The following NF1 variants were observed in gnomAD, a reference collection of about 807,000 sequenced individuals.
The protein encoded by NF1 is neurofibromin 1.
NF1 carries 122 observed loss-of-function variants against 325.7 expected under a neutral mutation model. The observed-to-expected ratio is 0.37, with a 90% CI of 0.32 to 0.44. The LOEUF (loss-of-function observed/expected upper bound fraction) is 0.44, where lower values mean the gene tolerates loss of function less well. Ranked by LOEUF, NF1 falls within the 20% of genes least tolerant of loss-of-function variation. The pLI, the probability that NF1 is intolerant of heterozygous loss-of-function variation, is 1.00. For missense variants in NF1, 2,140 were observed against 3,415.4 expected (o/e 0.63, Z 9.31); for synonymous variants, 1,091 against 1,186.0 (o/e 0.92, Z 1.65).
At chr17:31,318,733 AG>A in intron 36 of NF1, 1 of 1,614,076 alleles carries the variant, frequency 6.2e-7, no homozygotes, top group East Asian at 2.2e-5. Context: ...AGGTATATAA[AG>A]CTCCTGTTCA....
chr17:31,325,573 A>T (rs1460435334), intron 36 of NF1, among the ~76,000 whole-genome samples: 1 of 151,918 alleles, frequency 6.6e-6, no homozygotes, highest in Non-Finnish European at 1.5e-5. Flanking sequence ...TCCTTTCTTG[A>T]CTCATGGGCA....
chr17:31,352,025 T>A (rs1283824764), intron 50 of NF1, among the ~76,000 whole-genome samples: 5 of 152,212 alleles, frequency 3.3e-5, no homozygotes, highest in Admixed American at 6.5e-5. Context: ...GCAGTACAGA[T>A]CTTTTTGTTC....
At chr17:31,248,881 G>A (rs905742372) in intron 29 of NF1, 103 bp from the exon 30 acceptor site, 11 of 1,053,384 alleles carry the variant, frequency 1.0e-5, no homozygotes, top group African/African-American at 4.8e-5. Flanking sequence ...AAGTCTACAC[G>A]TTGCACTTGG....
chr17:31,172,450 T>TA (rs2143722841), intron 5 of NF1, among the ~76,000 whole-genome samples: 1 of 152,330 alleles, frequency 6.6e-6, no homozygotes, highest in South Asian at 2.1e-4. Flanking sequence ...TGTCTATAGA[T>TA]ATATCTGTAT....
chr17:31,157,813 A>C (rs1176511754), intron 2 of NF1, among the ~76,000 whole-genome samples: 1 of 151,292 alleles, frequency 6.6e-6, no homozygotes, highest in African/African-American at 2.4e-5. Flanking sequence ...AAAAAAAAAA[A>C]AACTTAGCGG....
chr17:31,121,524 C>T (rs1479554487), intron 1 of NF1, among the ~76,000 whole-genome samples: 1 of 151,676 alleles, frequency 6.6e-6, no homozygotes, highest in Admixed American at 6.6e-5. Flanking sequence ...TCTCAGCCTC[C>T]CGAGTAGCTG....
In NF1 at chr17:31,367,970, A is replaced by T. The variant is rs551664388; in HGVS notation, c.8378-6043A>T. Among the ~76,000 whole-genome samples the T allele has an allele frequency of 9.9e-3, 1,503 of 152,184 alleles. 23 individuals are homozygous for T. Among genetic ancestry groups the T allele is most frequent in the African/African-American group, 0.033 (1,386 of 41,516 alleles). On this transcript the variant is annotated intron_variant, in intron 57 of 57. Transcript: ENST00000358273. ...TCTCACAAAAAAATTAAAAAAAAAA[A>T]ATATATGGTCATTAGTTAGCTATAA...
At chr17:31,205,039 C>T (rs1192802008) in intron 11 of NF1, among the ~76,000 whole-genome samples, 1 of 152,034 alleles carries the variant, frequency 6.6e-6, no homozygotes, top group Non-Finnish European at 1.5e-5. Flanking sequence ...TTCTTCCCTC[C>T]CAGTTTTGGG....
intron 1 of NF1, among the ~76,000 whole-genome samples, chr17:31,097,841 T>C (rs1440876471): frequency 3.9e-5 from 6 of 152,120 alleles, no homozygotes; most frequent in Admixed American, 1.3e-4. Flanking sequence ...GGATTACAGG[T>C]GTGCACCATC....
At chr17:31,243,178 CTCTG>C (rs1285752275) in intron 29 of NF1, among the ~76,000 whole-genome samples, 19 of 75,310 alleles carry the variant, frequency 2.5e-4, no homozygotes, top group African/African-American at 1.4e-3. Context: ...CAGTCTCTCT[CTCTG>C]TCTGTGTGTG....
rs190002670 is a variant in NF1 at position 31,266,422 on chromosome 17, C to T, written c.4835+1083C>T. Among the ~76,000 whole-genome samples the T allele has an allele frequency of 4.6e-4, 70 of 152,254 alleles. No individual in the cohort carries two copies. The East Asian group carries it at 0.013, about 29-fold the overall frequency. ...AGAAAGTAAGAAAATTGCATTGAACCTCCCGCCACCCCCCTGCCCTTTAAC... is the reference window on the plus strand; with the variant it reads ...AGAAAGTAAGAAAATTGCATTGAACTTCCCGCCACCCCCCTGCCCTTTAAC... On this transcript the variant is annotated intron_variant, in intron 36 of 57. Coordinates refer to ENST00000358273, the MANE Select transcript of NF1 (RefSeq NM_001042492.3).
chr17:31,266,018 T>C lies in NF1; in HGVS notation c.4835+679T>C, dbSNP rs552894405. 1.3e-4 allele frequency among the ~76,000 whole-genome samples: 20 copies of C among 152,332 alleles called. No individual in the cohort carries two copies. The South Asian group carries it at 3.9e-3, about 30-fold the overall frequency. ...AATCTGTGACGTTATTTGGTCAGTT[T>C]TACTTTTTCCCATTTACCATGACAT... On this transcript the variant is annotated intron_variant, in intron 36 of 57. Coordinates refer to ENST00000358273, the MANE Select transcript of NF1 (RefSeq NM_001042492.3).
At chr17:31,200,104 C>T (rs1394427249) in intron 8 of NF1, among the ~76,000 whole-genome samples, 1 of 151,362 alleles carries the variant, frequency 6.6e-6, no homozygotes, top group Non-Finnish European at 1.5e-5. Flanking sequence ...CCTTTGTACT[C>T]CAGCCTGGGC....
In NF1 at chr17:31,374,796, T is replaced by C. The variant is rs1044587259; in HGVS notation, c.*641T>C. The stretch of plus-strand genomic sequence containing the variant: ...GTGGATTCTTAAGAAATACTAACAC[T>C]TGAGTATTAGCAATAATTACAGGAA... On this transcript the variant is annotated 3_prime_UTR_variant, in exon 58 of 58. Transcript: ENST00000358273. 1.3e-5 allele frequency: 3 copies of C among 233,252 alleles called. No individual in the cohort carries two copies. Among genetic ancestry groups the C allele is most frequent in the African/African-American group, 6.6e-5 (3 of 45,252 alleles). The allele number at this position is 233,252 out of a possible 1,614,324, so 14.4% of individuals were successfully genotyped here.
At position 31,356,561 on chromosome 17, in the gene NF1, G is replaced by A. The variant is rs1555536654; in HGVS notation, c.7717G>A (p.Ala2573Thr). 6.2e-7 allele frequency: 1 copy of A among 1,613,736 alleles called. No homozygotes were observed. Among genetic ancestry groups the A allele is most frequent in the Non-Finnish European group, 8.5e-7 (1 of 1,179,748 alleles). The change falls in exon 52 of 58, where the codon GCA becomes ACA. Residue 2573 changes from alanine (A) to threonine (T), a missense_variant. Transcript: ENST00000358273. ...ITTPPKMRRV[A>T]ETDYEMETQR... ...AACACCCCCCAAAATGAGGAGAGTA[G>A]CAGAAACTGATTATGAAATGGGTGA...
chr17:31,359,101 G>A (rs2070343618), intron 56 of NF1, 86 bp downstream of exon 56: 1 of 1,069,466 alleles, frequency 9.4e-7, no homozygotes, highest in South Asian at 1.3e-5. Context: ...CACACAATGT[G>A]CTGAAAACCA....
intron 1 of NF1, among the ~76,000 whole-genome samples, chr17:31,120,967 A>G (rs1023992933): frequency 6.6e-6 from 1 of 152,222 alleles, no homozygotes; most frequent in Admixed American, 6.5e-5. Context: ...CACAACATAT[A>G]CCAAAATTTA....
intron 1 of NF1, among the ~76,000 whole-genome samples, chr17:31,124,490 A>T (rs1479724068): frequency 3.4e-5 from 5 of 145,468 alleles, no homozygotes; most frequent in Non-Finnish European, 7.5e-5. Flanking sequence ...CATTTCTGGT[A>T]TAGAGGAACA....
intron 36 of NF1, among the ~76,000 whole-genome samples, chr17:31,313,286 T>G (rs928675568): frequency 6.6e-6 from 1 of 152,224 alleles, no homozygotes; most frequent in African/African-American, 2.4e-5. Context: ...ATTAGAACTT[T>G]TAACAATTAA....
Sources: gnomAD v4.1 joint callset for allele counts (sites outside exome capture counted in the v4.1 genomes callset) on GRCh38, gnomAD v4.1.1 for gene constraint, MANE v1.5 for transcripts, NCBI Gene and HGNC (gene_info 2026-07-23, HGNC 2026-07-21) for gene names.